Variants in DOCK6 observed in about 807,000 individuals in gnomAD.
DOCK6 encodes dedicator of cytokinesis 6.
DOCK6 carries 167 observed loss-of-function variants against 230.3 expected under a neutral mutation model. The observed-to-expected ratio is 0.73, with a 90% CI of 0.64 to 0.82. DOCK6 has a LOEUF of 0.82. DOCK6 is among the 40% of genes least tolerant of loss of function. The pLI is 0.00. For synonymous variants in DOCK6, 1,148 were observed against 1,185.0 expected, an observed-to-expected ratio of 0.97 and a Z score of 0.64; for missense variants, 2,598 against 2,825.8, an observed-to-expected ratio of 0.92 and a Z score of 1.83.
intron 16 of DOCK6, 117 bp downstream of exon 16, chr19:11,237,928 T>C: frequency 1.4e-6 from 2 of 1,426,174 alleles, no homozygotes; most frequent in South Asian, 1.3e-5. Flanking sequence ...TGGGAGCCTC[T>C]ACCTCTCTTC....
chr19:11,215,958 T>A, intron 30 of DOCK6, 31 bp from the exon 31 acceptor site: 1 of 1,612,944 alleles, frequency 6.2e-7, no homozygotes, highest in Non-Finnish European at 8.5e-7. Context: ...GGTTCCAGGC[T>A]GACTCTGCTC....
chr19:11,203,931 A>C, intron 41 of DOCK6, 150 bp downstream of exon 41: 2 of 1,033,306 alleles, frequency 1.9e-6, no homozygotes, highest in Non-Finnish European at 2.8e-6. Context: ...AAGGGAGGGA[A>C]ATAATGGGGT....
rs868256205 is a variant in DOCK6 at position 11,262,501 on chromosome 19, G to T, written c.-61C>A. The T allele has an allele frequency of 9.8e-7, 1 of 1,016,568 alleles. No homozygotes were observed. The highest frequency in any genetic ancestry group is 1.7e-5 in the African/African-American group (1 of 57,344). The allele number at this position is 1,016,568 out of a possible 1,614,324, so 63.0% of individuals were successfully genotyped here. A position where few individuals can be genotyped will look rare whatever the true frequency, so the allele number is the denominator to read the frequency against. On this transcript the variant is annotated 5_prime_UTR_variant, in exon 1 of 48. Coordinates refer to ENST00000294618, the MANE Select transcript of DOCK6 (RefSeq NM_020812.4). ...GGCCCCGCCGCCGCCGCCGCCTCCCGGTTCTGGGCAGCCGGGGCGGGGCGG... is the reference window on the plus strand; with the variant it reads ...GGCCCCGCCGCCGCCGCCGCCTCCCTGTTCTGGGCAGCCGGGGCGGGGCGG...
At chr19:11,242,535 G>C (rs534163798) in intron 13 of DOCK6, among the ~76,000 whole-genome samples, 1 of 151,890 alleles carries the variant, frequency 6.6e-6, no homozygotes, top group Non-Finnish European at 1.5e-5. Flanking sequence ...GGGATTACAG[G>C]TGTGTGCCAC....
intron 6 of DOCK6, among the ~76,000 whole-genome samples, chr19:11,250,660 T>C (rs1262550145): frequency 3.9e-5 from 6 of 152,144 alleles, no homozygotes; most frequent in Admixed American, 3.9e-4. Flanking sequence ...CAATAAATGC[T>C]GGTTGGATAA....
rs1031926648 is a variant in DOCK6, at chr19:11,252,099, C to A, written c.507+20G>T. On this transcript the variant is annotated intron_variant, in intron 5 of 47. Coordinates refer to ENST00000294618, the MANE Select transcript of DOCK6 (RefSeq NM_020812.4). ...CTCCACACATACCCCTTCAGTGACC[C>A]CAGCCAGGGGCTTCCTCACCGAGTC... The A allele has an allele frequency of 1.3e-6, 2 of 1,582,672 alleles. No homozygotes were observed. Among genetic ancestry groups the A allele is most frequent in the East Asian group, 2.3e-5 (1 of 43,266 alleles).
intron 22 of DOCK6, 176 bp from the exon 23 acceptor site, chr19:11,229,211 C>G: frequency 7.7e-7 from 1 of 1,300,260 alleles, no homozygotes; most frequent in Non-Finnish European, 1.0e-6. Context: ...CGCCAGACCC[C>G]CCTGGACTCT....
chr19:11,251,126 A>C (rs1296592856), intron 5 of DOCK6, 40 bp from the exon 6 acceptor site: 1 of 1,557,852 alleles, frequency 6.4e-7, no homozygotes, highest in South Asian at 1.2e-5. Flanking sequence ...TGCCAGCTGT[A>C]TACACCTTCA....
intron 41 of DOCK6, chr19:11,203,757 A>G: frequency 2.1e-6 from 1 of 475,118 alleles, no homozygotes; most frequent in South Asian, 3.1e-5. Context: ...GAGAGATGAG[A>G]AAGAGACCAA....
chr19:11,218,141 C>T (rs987464333), intron 28 of DOCK6, among the ~76,000 whole-genome samples: 8 of 151,908 alleles, frequency 5.3e-5, no homozygotes, highest in Non-Finnish European at 1.2e-4. Context: ...TGAGCCATGG[C>T]GCCTGGCCTA....
chr19:11,234,965 C>T (rs765123464), intron 21 of DOCK6, among the ~76,000 whole-genome samples: 1 of 150,820 alleles, frequency 6.6e-6, no homozygotes, highest in Non-Finnish European at 1.5e-5. Context: ...TTTTTTGAAA[C>T]AGGGTCTTGC....
At chr19:11,241,154 G>A (rs2079937362) in intron 14 of DOCK6, among the ~76,000 whole-genome samples, 1 of 151,872 alleles carries the variant, frequency 6.6e-6, no homozygotes, top group Non-Finnish European at 1.5e-5. Context: ...GCTTAGGTAG[G>A]AGAATCGCTT....
chr19:11,243,576 C>A lies in DOCK6; in HGVS notation c.1239G>T (p.Arg413=). 2 of 1,606,840 alleles carry A rather than the reference C, an allele frequency of 1.2e-6. No individual in the cohort carries two copies. The highest frequency in any genetic ancestry group is 1.7e-6 in the Non-Finnish European group (2 of 1,177,568). The change falls in exon 11 of 48, where the codon CGG becomes CGT. Residue 413 remains arginine, a synonymous_variant. Transcript: ENST00000294618. The surrounding 1 kb of genome is among the most constrained non-coding windows in gnomAD (Gnocchi z 6.3). ...NIVSSAGQLD[R]DSDSEGERRP... ...CCTCACCGCCCTCCGAGTCAGAGTC[C>A]CGGTCCAGCTGCCCAGCGCTGCTCA... is the stretch of plus-strand genomic sequence containing the variant.
chr19:11,239,495 A>G (rs1341265315), intron 14 of DOCK6: 1 of 1,040,812 alleles, frequency 9.6e-7, no homozygotes, highest in East Asian at 2.5e-5. Context: ...CATTCGCCTG[A>G]TGCAACTATC....
chr19:11,256,936 C>T (rs936578539), intron 1 of DOCK6, among the ~76,000 whole-genome samples: 1 of 152,072 alleles, frequency 6.6e-6, no homozygotes, highest in East Asian at 1.9e-4. Context: ...ACCTCAGCCT[C>T]CCAAAGTCCT....
chr19:11,243,724 C>G lies in DOCK6; in HGVS notation c.1105-14G>C. Reference sequence around the variant, plus strand: ...CTTCTCTTTGTTCTGTGGGGAGACCCCGTCCCCTGCCAGCTCAGCATCCTA... The same window carrying G: ...CTTCTCTTTGTTCTGTGGGGAGACCGCGTCCCCTGCCAGCTCAGCATCCTA... On this transcript the variant is annotated splice_polypyrimidine_tract_variant and intron_variant, in intron 10 of 47. Transcript: ENST00000294618. This position sits in a 1 kb window ranked among gnomAD's most constrained non-coding sequence, Gnocchi z 6.3. The G allele has an allele frequency of 1.9e-6, 3 of 1,613,876 alleles. No homozygotes were observed. The highest frequency in any genetic ancestry group is 2.5e-6 in the Non-Finnish European group (3 of 1,179,840).
intron 16 of DOCK6, 45 bp from the exon 17 acceptor site, chr19:11,237,824 A>C (rs1353329760): frequency 6.5e-7 from 1 of 1,540,538 alleles, no homozygotes; most frequent in Non-Finnish European, 8.8e-7. Flanking sequence ...TGGGGTCCCC[A>C]CTGTCTGCCC....
rs2079719883 is a variant in DOCK6 at position 11,229,000 on chromosome 19, G to C, written c.2754C>G (p.Val918=). ...TGGCCTCGCGTACGGCACTGCTGCT[G>C]ACCACCCACTGCAGAGCCAGCTCCT... is the stretch of plus-strand genomic sequence containing the variant. ...LHEELALQWV[V]SSSAVREAIL... is the part of the protein sequence containing the mutation. The change falls in exon 23 of 48, where the codon GTC becomes GTG. Residue 918 remains valine, a synonymous_variant. Transcript: ENST00000294618. 6.2e-7 allele frequency: 1 copy of C among 1,613,656 alleles called. No individual in the cohort carries two copies. The highest frequency in any genetic ancestry group is 8.5e-7 in the Non-Finnish European group (1 of 1,179,822).
At chr19:11,253,764 A>C in intron 1 of DOCK6, 38 bp from the exon 2 acceptor site, 1 of 1,366,914 alleles carries the variant, frequency 7.3e-7, no homozygotes, top group South Asian at 1.4e-5. Flanking sequence ...GGACGGGAAA[A>C]CTCAGGCAGC....
Sources: gnomAD v4.1 joint callset for allele counts (sites outside exome capture counted in the v4.1 genomes callset) on GRCh38, gnomAD v4.1.1 for gene constraint, Gnocchi (gnomAD v3.1) non-coding constraint, MANE v1.5 for transcripts, NCBI Gene and HGNC (gene_info 2026-07-23, HGNC 2026-07-21) for gene names.